Variants in PXYLP1 observed in about 807,000 individuals in gnomAD.
PXYLP1 encodes the protein 2-phosphoxylose phosphatase 1.
A neutral mutation model predicts 37.9 loss-of-function variants in PXYLP1; 17 were observed. The ratio of observed to expected loss-of-function variants is 0.45; its 90% CI spans 0.31 to 0.67. PXYLP1 has a LOEUF of 0.67. Ranked by LOEUF, PXYLP1 falls within the 30% of genes least tolerant of loss-of-function variation. The pLI is 0.07. For missense variants in PXYLP1, 511 were observed against 612.0 expected, an observed-to-expected ratio of 0.84 and a Z score of 1.74; for synonymous variants, 221 against 232.2, an observed-to-expected ratio of 0.95 and a Z score of 0.44.
At chr3:141,259,608 T>A (rs1941344896) in intron 1 of PXYLP1, among the ~76,000 whole-genome samples, 1 of 152,052 alleles carries the variant, frequency 6.6e-6, no homozygotes, top group East Asian at 1.9e-4. Context: ...GCAAATCCTT[T>A]TGCACACCCA....
At chr3:141,266,085 TG>T (rs1165270332) in intron 2 of PXYLP1, among the ~76,000 whole-genome samples, 1 of 152,188 alleles carries the variant, frequency 6.6e-6, no homozygotes, top group East Asian at 1.9e-4. Flanking sequence ...CTGGGGACTT[TG>T]TATTCCCTGC....
chr3:141,252,648 CAT>C, intron 1 of PXYLP1, among the ~76,000 whole-genome samples: 1 of 152,318 alleles, frequency 6.6e-6, no homozygotes, highest in South Asian at 2.1e-4. Flanking sequence ...CTGGGGATTA[CAT>C]GTCAACATGA....
chr3:141,240,349 T>A (rs999333105), intron 1 of PXYLP1, among the ~76,000 whole-genome samples: 6 of 152,106 alleles, frequency 3.9e-5, no homozygotes, highest in Admixed American at 2.0e-4. Context: ...TCACACACAG[T>A]CCAAAATGGC....
At chr3:141,290,628 A>G (rs951212842) in intron 5 of PXYLP1, among the ~76,000 whole-genome samples, 1 of 152,192 alleles carries the variant, frequency 6.6e-6, no homozygotes, top group African/African-American at 2.4e-5. Context: ...GATGCAGGCT[A>G]TGTTTGGCAA....
At chr3:141,252,307 T>C (rs554972261) in intron 1 of PXYLP1, among the ~76,000 whole-genome samples, 2 of 152,310 alleles carry the variant, frequency 1.3e-5, no homozygotes, top group South Asian at 4.1e-4. Context: ...TTTTGTGTTG[T>C]AAAGGAATAC....
rs1388682432 is a variant in PXYLP1 at position 141,262,854 on chromosome 3, G to A, written c.79+2600G>A. 4 of 629,916 alleles carry A rather than the reference G, an allele frequency of 6.4e-6. No individual in the cohort carries two copies. In the South Asian group the frequency reaches 6.6e-5, roughly 10 times the overall value. 39.0% of individuals were successfully genotyped at this position (629,916 alleles called of 1,614,324 possible). A position where few individuals can be genotyped will look rare whatever the true frequency, so the allele number is the denominator to read the frequency against. ...CACTAATTCATAACGCACAGGTTTC[G>A]CTTATATACCACTTATGTTCTCATT... On this transcript the variant is annotated intron_variant, in intron 2 of 5. Coordinates refer to ENST00000286353, the MANE Select transcript of PXYLP1 (RefSeq NM_001037172.3).
intron 4 of PXYLP1, among the ~76,000 whole-genome samples, chr3:141,280,034 G>A (rs1450745495): frequency 6.6e-6 from 1 of 152,242 alleles, no homozygotes; most frequent in African/African-American, 2.4e-5. Context: ...GAGGCAGCCT[G>A]TTCTTGGTTG....
At chr3:141,287,996 A>T (rs1041204712) in intron 5 of PXYLP1, among the ~76,000 whole-genome samples, 1 of 152,252 alleles carries the variant, frequency 6.6e-6, no homozygotes, top group African/African-American at 2.4e-5. Flanking sequence ...CATGTACAAG[A>T]TCTCAGGGAG....
chr3:141,285,574 T>C (rs1054461270), intron 4 of PXYLP1, among the ~76,000 whole-genome samples: 2 of 152,210 alleles, frequency 1.3e-5, no homozygotes, highest in African/African-American at 4.8e-5. Flanking sequence ...TTAGATATCA[T>C]TAAGCAGTCA....
At chr3:141,286,292 T>C (rs1942073062) in intron 4 of PXYLP1, among the ~76,000 whole-genome samples, 1 of 152,254 alleles carries the variant, frequency 6.6e-6, no homozygotes, top group Non-Finnish European at 1.5e-5. Context: ...GAAATATAGA[T>C]ACTCTCAGAT....
chr3:141,287,210 T>A, intron 4 of PXYLP1, 104 bp from the exon 5 acceptor site: 1 of 1,233,424 alleles, frequency 8.1e-7, no homozygotes, highest in Non-Finnish European at 1.2e-6. Flanking sequence ...TTACTGTGGG[T>A]GCAAAAGGCT....
intron 1 of PXYLP1, among the ~76,000 whole-genome samples, chr3:141,233,522 G>T (rs1182630332): frequency 6.7e-6 from 1 of 150,318 alleles, no homozygotes; most frequent in Non-Finnish European, 1.5e-5. Context: ...AGATGCACGG[G>T]ACAGCCTGAA....
intron 1 of PXYLP1, among the ~76,000 whole-genome samples, chr3:141,240,899 A>G (rs903505226): frequency 2.6e-5 from 4 of 152,164 alleles, no homozygotes; most frequent in African/African-American, 4.8e-5. Context: ...GACACAGGAC[A>G]TGTTCTTAAC....
At chr3:141,276,433 T>G (rs532635548) in intron 2 of PXYLP1, among the ~76,000 whole-genome samples, 1 of 152,354 alleles carries the variant, frequency 6.6e-6, no homozygotes, top group African/African-American at 2.4e-5. Context: ...ACAAAGAGGA[T>G]TATATCAGTA....
chr3:141,270,973 C>A lies in PXYLP1; in HGVS notation c.80-7369C>A, dbSNP rs138818728. 1.8e-4 allele frequency among the ~76,000 whole-genome samples: 28 copies of A among 152,294 alleles called. No homozygotes were observed. In the East Asian group the frequency reaches 5.4e-3, roughly 29 times the overall value. On this transcript the variant is annotated intron_variant, in intron 2 of 5. Coordinates refer to ENST00000286353, the MANE Select transcript of PXYLP1 (RefSeq NM_001037172.3). ...TAGTGTGATCAGGGCTCACTGCAGC[C>A]CCGAACTCCTGAGCTCAAGCGATCC...
At chr3:141,257,637 C>T (rs548979820) in intron 1 of PXYLP1, among the ~76,000 whole-genome samples, 3 of 152,254 alleles carry the variant, frequency 2.0e-5, no homozygotes, top group Admixed American at 2.0e-4. Context: ...GTCAGCCGGG[C>T]ACAGTGGCTC....
intron 5 of PXYLP1, among the ~76,000 whole-genome samples, chr3:141,290,157 G>A (rs1942167074): frequency 6.6e-6 from 1 of 152,224 alleles, no homozygotes; most frequent in Admixed American, 6.5e-5. Context: ...TGCCTACCCT[G>A]TTGAAGATGC....
chr3:141,248,767 GTGTATATATACACACGTATA>G (rs1941064432), intron 1 of PXYLP1, among the ~76,000 whole-genome samples: 2 of 39,120 alleles, frequency 5.1e-5, no homozygotes, highest in Non-Finnish European at 5.3e-5. Flanking sequence ...ATACACACAC[GTGTATATATACACACGTATA>G]TATATACACA....
rs1942304661 is a variant in PXYLP1 at position 141,294,491 on chromosome 3, C to T, written c.*1286C>T. 1 of 152,166 alleles carries T rather than the reference C, an allele frequency of 6.6e-6. No homozygotes were observed. Among genetic ancestry groups the T allele is most frequent in the South Asian group, 2.1e-4 (1 of 4,834 alleles). The allele number at this position is 152,166 out of a possible 1,614,324, so 9.4% of individuals were successfully genotyped here. On this transcript the variant is annotated 3_prime_UTR_variant, in exon 6 of 6. Coordinates refer to ENST00000286353, the MANE Select transcript of PXYLP1 (RefSeq NM_001037172.3). ...GCAATTATAATTACATCTGTGATTT[C>T]TGAACTAATGGTGCTAATTCAGAGA...
Sources: gnomAD v4.1 joint callset for allele counts (sites outside exome capture counted in the v4.1 genomes callset) on GRCh38, gnomAD v4.1.1 for gene constraint, MANE v1.5 for transcripts, NCBI Gene and HGNC (gene_info 2026-07-23, HGNC 2026-07-21) for gene names.